Variants in CMTM8 observed in about 807,000 individuals in gnomAD.
The protein encoded by CMTM8 is CKLF like MARVEL transmembrane domain containing 8, also known as CKLF-like MARVEL transmembrane domain-containing protein 8.
CMTM8 carries 12 observed loss-of-function variants against 18.6 expected under a neutral mutation model. The ratio of observed to expected loss-of-function variants is 0.65; its 90% CI spans 0.41 to 1.05. The LOEUF (loss-of-function observed/expected upper bound fraction) is 1.05. Among genes scored for constraint, CMTM8 ranks in the 50% least tolerant of loss-of-function variants. CMTM8 has a pLI of 0.00. For synonymous variants in CMTM8, 87 were observed against 90.6 expected (o/e 0.96, Z 0.23); for missense variants, 217 against 227.2 (o/e 0.95, Z 0.29).
At chr3:32,279,180 A>ATT (rs10686617) in intron 1 of CMTM8, among the ~76,000 whole-genome samples, 32,190 of 140,134 alleles carry the variant, frequency 0.23, 3,737 homozygotes, top group Middle Eastern at 0.33. Flanking sequence ...TTTTTTTTTA[A>ATT]TTTTTTTTTT....
At chr3:32,255,271 A>G (rs959649773) in intron 1 of CMTM8, among the ~76,000 whole-genome samples, 3 of 152,218 alleles carry the variant, frequency 2.0e-5, no homozygotes, top group Admixed American at 6.5e-5. Flanking sequence ...TCTCTTGAAT[A>G]TATTTCATGC....
At chr3:32,248,968 A>C (rs570124173) in intron 1 of CMTM8, among the ~76,000 whole-genome samples, 45 of 147,766 alleles carry the variant, frequency 3.0e-4, no homozygotes, top group Admixed American at 2.4e-3. Flanking sequence ...TTTTATGTGT[A>C]CATGTGTTTT....
At chr3:32,275,100 G>A (rs1194486843) in intron 1 of CMTM8, among the ~76,000 whole-genome samples, 1 of 152,024 alleles carries the variant, frequency 6.6e-6, no homozygotes, top group Non-Finnish European at 1.5e-5. Flanking sequence ...ACCTCCCAAG[G>A]CTCAAGCAGT....
chr3:32,341,971 G>A (rs142242991), intron 1 of CMTM8, among the ~76,000 whole-genome samples: 35 of 151,956 alleles, frequency 2.3e-4, no homozygotes, highest in Middle Eastern at 3.4e-3. Flanking sequence ...TTTAAGGCTG[G>A]GCATGGTGGC....
chr3:32,352,241 AGAG>A (rs1403431411), intron 1 of CMTM8, among the ~76,000 whole-genome samples: 1 of 151,972 alleles, frequency 6.6e-6, no homozygotes, highest in South Asian at 2.1e-4. Context: ...TCAAGAAATA[AGAG>A]GAGAACTCTA....
chr3:32,361,450 A>T (rs1396025503), intron 2 of CMTM8, among the ~76,000 whole-genome samples: 2 of 152,132 alleles, frequency 1.3e-5, no homozygotes, highest in Non-Finnish European at 1.5e-5. Context: ...TGAAGACCAC[A>T]TTGCTACCAT....
chr3:32,300,126 C>A (rs563657494), intron 1 of CMTM8, among the ~76,000 whole-genome samples: 239 of 152,316 alleles, frequency 1.6e-3, no homozygotes, highest in Non-Finnish European at 2.6e-3. Flanking sequence ...GGAAGCTATC[C>A]ATTTTTATGC....
chr3:32,353,784 A>ATTTTT (rs10648596), intron 1 of CMTM8, among the ~76,000 whole-genome samples: 1 of 134,066 alleles, frequency 7.5e-6, no homozygotes. Flanking sequence ...TTCTGTGTTA[A>ATTTTT]TTTTTTTTTT....
intron 2 of CMTM8, among the ~76,000 whole-genome samples, chr3:32,365,311 A>AAAAT (rs1288388304): frequency 6.6e-6 from 1 of 151,976 alleles, no homozygotes; most frequent in East Asian, 1.9e-4. Context: ...GAGAAAAAAA[A>AAAAT]AAAGAGAGAA....
chr3:32,298,263 G>C (rs1050655786), intron 1 of CMTM8, among the ~76,000 whole-genome samples: 29 of 151,898 alleles, frequency 1.9e-4, no homozygotes, highest in African/African-American at 5.1e-4. Flanking sequence ...GGTAGAGACA[G>C]GTTTTGCCAT....
intron 2 of CMTM8, among the ~76,000 whole-genome samples, chr3:32,366,591 C>T (rs1386006075): frequency 6.6e-6 from 1 of 152,190 alleles, no homozygotes; most frequent in Admixed American, 6.5e-5. Context: ...AAATTAGCAA[C>T]ATTGAAATGC....
At chr3:32,239,626 G>C (rs1316434206) in intron 1 of CMTM8, among the ~76,000 whole-genome samples, 2 of 152,120 alleles carry the variant, frequency 1.3e-5, no homozygotes, top group Non-Finnish European at 2.9e-5. Flanking sequence ...ACCTATTTTA[G>C]GACCAAAGAG....
At chr3:32,320,781 T>C (rs1033118203) in intron 1 of CMTM8, among the ~76,000 whole-genome samples, 1 of 152,060 alleles carries the variant, frequency 6.6e-6, no homozygotes, top group Non-Finnish European at 1.5e-5. Flanking sequence ...AATATAAGGG[T>C]GCAGGAAAAC....
intron 1 of CMTM8, among the ~76,000 whole-genome samples, chr3:32,335,559 A>G (rs1696369953): frequency 6.6e-6 from 1 of 152,210 alleles, no homozygotes; most frequent in South Asian, 2.1e-4. Flanking sequence ...CTCTGCAGCC[A>G]TGAGTTTACT....
intron 2 of CMTM8, among the ~76,000 whole-genome samples, chr3:32,359,749 G>A (rs1388415223): frequency 6.6e-6 from 1 of 152,022 alleles, no homozygotes; most frequent in Non-Finnish European, 1.5e-5. Context: ...GCCTTTAATT[G>A]GACTTTTAAA....
At chr3:32,275,804 C>T (rs1180128800) in intron 1 of CMTM8, among the ~76,000 whole-genome samples, 1 of 152,002 alleles carries the variant, frequency 6.6e-6, no homozygotes, top group Non-Finnish European at 1.5e-5. Context: ...TGTGCATCAC[C>T]ATGCCTGGCT....
chr3:32,306,818 T>C (rs1695725025), intron 1 of CMTM8, among the ~76,000 whole-genome samples: 1 of 152,124 alleles, frequency 6.6e-6, no homozygotes, highest in South Asian at 2.1e-4. Flanking sequence ...TTGGCAATAG[T>C]GTGAGGGTTG....
Position 32,368,109 on chromosome 3 carries a change from T to C in CMTM8, c.438+121T>C, listed in dbSNP as rs1697078296. On this transcript the variant is annotated intron_variant, in intron 3 of 3. Transcript: ENST00000307526. ...GCTTGCAGTAGTGACAAATTAGCAA[T>C]TGGCTTATTGATTTGAAAATATCTA... The C allele has an allele frequency of 4.7e-5, 33 of 708,666 alleles. No homozygotes were observed. The South Asian group carries it at 5.5e-4, about 12-fold the overall frequency. 43.9% of individuals were successfully genotyped at this position (708,666 alleles called of 1,614,324 possible). A position where few individuals can be genotyped will look rare whatever the true frequency, so the allele number is the denominator to read the frequency against.
chr3:32,322,818 T>C (rs1475747012), intron 1 of CMTM8, among the ~76,000 whole-genome samples: 1 of 152,238 alleles, frequency 6.6e-6, no homozygotes, highest in Non-Finnish European at 1.5e-5. Context: ...GATTGCCTTT[T>C]TCTTTCATGT....
Sources: allele counts gnomAD v4.1 joint callset (sites outside exome capture counted in the v4.1 genomes callset), GRCh38; gene constraint gnomAD v4.1.1; transcripts MANE v1.5; gene names NCBI Gene and HGNC (gene_info 2026-07-23, HGNC 2026-07-21).